GRIK3: variants seen among roughly 807,000 people sequenced by gnomAD.
GRIK3 encodes the protein glutamate ionotropic receptor kainate type subunit 3, also known as glutamate receptor ionotropic, kainate 3.
Under a neutral mutation model 102.5 loss-of-function variants are expected in GRIK3, and 29 were observed. That is an observed-to-expected ratio of 0.28 (90% CI 0.21 to 0.39). The LOEUF (loss-of-function observed/expected upper bound fraction) is 0.39, where lower values mean the gene tolerates loss of function less well. Ranked by LOEUF, GRIK3 falls within the 10% of genes least tolerant of loss-of-function variation. GRIK3 has a pLI of 1.00. For synonymous variants in GRIK3, 511 were observed against 504.9 expected, an observed-to-expected ratio of 1.01 and a Z score of -0.16; for missense variants, 908 against 1,252.4, an observed-to-expected ratio of 0.73 and a Z score of 4.15.
At chr1:36,834,760 G>A (rs1419313129) in intron 10 of GRIK3, among the ~76,000 whole-genome samples, 1 of 152,154 alleles carries the variant, frequency 6.6e-6, no homozygotes, top group African/African-American at 2.4e-5. Context: ...CCCCCTGCAT[G>A]TCCACAAGGG....
intron 1 of GRIK3, among the ~76,000 whole-genome samples, chr1:36,924,269 G>A (rs1234198217): frequency 6.6e-6 from 1 of 152,148 alleles, no homozygotes. Context: ...GGTTTCCCTT[G>A]ATGCAGAGCC....
chr1:36,843,986 C>G (rs144217915), intron 9 of GRIK3, among the ~76,000 whole-genome samples: 1 of 152,234 alleles, frequency 6.6e-6, no homozygotes, highest in East Asian at 1.9e-4. Flanking sequence ...GTGGAAGACC[C>G]GGTGAAGACC....
chr1:36,880,464 G>A lies in GRIK3; in HGVS notation c.550+170C>T, dbSNP rs1640960004. Among the ~76,000 whole-genome samples, 1 of 152,154 alleles carries A rather than the reference G, an allele frequency of 6.6e-6. No homozygotes were observed. On this transcript the variant is annotated intron_variant, in intron 3 of 15. Coordinates refer to ENST00000373091, the MANE Select transcript of GRIK3 (RefSeq NM_000831.4). This position sits in a 1 kb window ranked among gnomAD's most constrained non-coding sequence, Gnocchi z 5.4. Reference sequence around the variant, plus strand: ...GATATGAGTGCCGCTGGGGTGCACAGGGTGTGAGTGGGTGCAGGGGTGAAC... The same window carrying A: ...GATATGAGTGCCGCTGGGGTGCACAAGGTGTGAGTGGGTGCAGGGGTGAAC...
chr1:36,865,070 A>G (rs1246790852), intron 5 of GRIK3, among the ~76,000 whole-genome samples: 1 of 152,212 alleles, frequency 6.6e-6, no homozygotes, highest in Non-Finnish European at 1.5e-5. Context: ...GAAGCTTGGA[A>G]AACATCGCCT....
chr1:36,863,890 T>A (rs1640754563), intron 5 of GRIK3, among the ~76,000 whole-genome samples: 1 of 152,144 alleles, frequency 6.6e-6, no homozygotes, highest in Non-Finnish European at 1.5e-5. Flanking sequence ...CACTTAAGCA[T>A]CACTGAGAAG....
intron 1 of GRIK3, among the ~76,000 whole-genome samples, chr1:36,961,627 G>C (rs1309200745): frequency 6.6e-6 from 1 of 152,210 alleles, no homozygotes; most frequent in East Asian, 1.9e-4. Flanking sequence ...AGACGGGAGG[G>C]CTCAACAAAG....
chr1:37,006,016 G>C (rs516139), intron 1 of GRIK3, among the ~76,000 whole-genome samples: 56,070 of 151,632 alleles, frequency 0.37, 11,029 homozygotes, highest in African/African-American at 0.48. Context: ...GCCTGAAAGG[G>C]GATAAGGCCC....
intron 11 of GRIK3, among the ~76,000 whole-genome samples, chr1:36,821,897 A>G (rs1046019060): frequency 1.3e-5 from 2 of 152,258 alleles, no homozygotes; most frequent in African/African-American, 4.8e-5. Flanking sequence ...CCAGGCACAC[A>G]TACACAAATA....
At chr1:36,949,254 T>C (rs1641816514) in intron 1 of GRIK3, among the ~76,000 whole-genome samples, 1 of 152,068 alleles carries the variant, frequency 6.6e-6, no homozygotes, top group South Asian at 2.1e-4. Flanking sequence ...GACCTTAAAC[T>C]CTATTCTGAT....
chr1:36,807,139 T>C (rs1642510433), intron 13 of GRIK3, among the ~76,000 whole-genome samples: 1 of 152,122 alleles, frequency 6.6e-6, no homozygotes, highest in Admixed American at 6.6e-5. Context: ...TGTAGGGTCC[T>C]GGGCTGGACA....
rs114123401 is a variant in GRIK3, at chr1:36,982,435, G to A, written c.115+51559C>T. Among the ~76,000 whole-genome samples the A allele has an allele frequency of 2.0e-3, 309 of 152,358 alleles. 1 individual carries two copies. Among genetic ancestry groups the A allele is most frequent in the African/African-American group, 7.0e-3 (292 of 41,596 alleles). ...CACTCTGCCAGCAGCTGAAAGCCTCGCGTCCTTGCTACTTAATGTGTGGCA... is the reference window on the plus strand; with the variant it reads ...CACTCTGCCAGCAGCTGAAAGCCTCACGTCCTTGCTACTTAATGTGTGGCA... On this transcript the variant is annotated intron_variant, in intron 1 of 15. Coordinates refer to ENST00000373091, the MANE Select transcript of GRIK3 (RefSeq NM_000831.4).
At chr1:36,984,146 T>C (rs1469724108) in intron 1 of GRIK3, among the ~76,000 whole-genome samples, 1 of 152,182 alleles carries the variant, frequency 6.6e-6, no homozygotes, top group Non-Finnish European at 1.5e-5. Flanking sequence ...GGCAACCACA[T>C]ACCACCACTC....
chr1:36,989,195 C>T (rs928114859), intron 1 of GRIK3, among the ~76,000 whole-genome samples: 1 of 152,242 alleles, frequency 6.6e-6, no homozygotes, highest in Admixed American at 6.5e-5. Flanking sequence ...ATCCTCTCTC[C>T]ACACACACAC....
At chr1:36,823,736 C>A (rs1642722293) in intron 11 of GRIK3, among the ~76,000 whole-genome samples, 1 of 152,132 alleles carries the variant, frequency 6.6e-6, no homozygotes, top group Admixed American at 6.5e-5. Context: ...CTGGCAGGTA[C>A]TTGCGTTTGT....
At chr1:37,017,849 T>G (rs1557465158) in intron 1 of GRIK3, among the ~76,000 whole-genome samples, 1 of 152,224 alleles carries the variant, frequency 6.6e-6, no homozygotes, top group Non-Finnish European at 1.5e-5. Flanking sequence ...CAGTTCAAAC[T>G]GAGTGAGACC....
At chr1:37,005,972 T>C (rs1442049226) in intron 1 of GRIK3, among the ~76,000 whole-genome samples, 1 of 152,086 alleles carries the variant, frequency 6.6e-6, no homozygotes. Context: ...TGAGGTGACC[T>C]GCAGAGACAT....
chr1:36,840,693 C>T (rs1640437349), intron 10 of GRIK3, among the ~76,000 whole-genome samples: 1 of 152,164 alleles, frequency 6.6e-6, no homozygotes, highest in Admixed American at 6.5e-5. Context: ...CACCACTGCA[C>T]TCCACCTTGG....
intron 15 of GRIK3, 144 bp downstream of exon 15, chr1:36,804,843 G>T (rs1557686526): frequency 1.9e-6 from 2 of 1,063,150 alleles, no homozygotes; most frequent in Non-Finnish European, 2.7e-6. Context: ...AGGTAGAGTG[G>T]CAGGGCTTGC....
At chr1:36,848,799 T>A (rs2124224605) in intron 9 of GRIK3, among the ~76,000 whole-genome samples, 1 of 152,118 alleles carries the variant, frequency 6.6e-6, no homozygotes, top group African/African-American at 2.4e-5. Flanking sequence ...TTTTTTTTTT[T>A]AACCCTGTTC....
Sources: gnomAD v4.1 joint callset for allele counts (sites outside exome capture counted in the v4.1 genomes callset) on GRCh38, gnomAD v4.1.1 for gene constraint, Gnocchi (gnomAD v3.1) non-coding constraint, MANE v1.5 for transcripts, NCBI Gene and HGNC (gene_info 2026-07-23, HGNC 2026-07-21) for gene names.